STARD13: variants seen among roughly 807,000 people sequenced by gnomAD.
STARD13 encodes the protein StAR related lipid transfer domain containing 13, also known as stAR-related lipid transfer protein 13.
In STARD13, 62 loss-of-function variants were observed where a neutral mutation model predicts 106.4. The observed-to-expected ratio is 0.58, with a 90% CI of 0.48 to 0.72. The LOEUF (loss-of-function observed/expected upper bound fraction) is 0.72. STARD13 is among the 30% of genes least tolerant of loss of function. The probability of loss-of-function intolerance (pLI) is 0.00; values close to 1 mark genes in which losing one functional copy is unlikely to be tolerated. For missense variants in STARD13, 1,387 were observed against 1,424.0 expected, an observed-to-expected ratio of 0.97 and a Z score of 0.42; for synonymous variants, 565 against 553.0, an observed-to-expected ratio of 1.02 and a Z score of -0.31.
intron 1 of STARD13, among the ~76,000 whole-genome samples, chr13:33,339,264 C>T (rs965400433): frequency 6.6e-6 from 1 of 152,204 alleles, no homozygotes; most frequent in Non-Finnish European, 1.5e-5. Context: ...GTAGCTTTGA[C>T]TCCAGTAGCT....
At chr13:33,473,893 A>G in the STARD13 span, among the ~76,000 whole-genome samples, 6 of 152,268 alleles carry the variant, frequency 3.9e-5, no homozygotes, top group Admixed American at 3.3e-4. Flanking sequence ...TTCCAAAGGA[A>G]TTTCTGTTTG....
intron 7 of STARD13, 39 bp downstream of exon 7, chr13:33,126,042 G>T: frequency 6.2e-7 from 1 of 1,606,588 alleles, no homozygotes; most frequent in Non-Finnish European, 8.5e-7. Context: ...TCCCATGGTT[G>T]GGGGTGGTGG....
At chr13:33,365,559 A>G in the STARD13 span, among the ~76,000 whole-genome samples, 2 of 152,230 alleles carry the variant, frequency 1.3e-5, no homozygotes, top group South Asian at 2.1e-4. Context: ...ACCCTTAGGT[A>G]GTAGCAGCCA....
the STARD13 span, among the ~76,000 whole-genome samples, chr13:33,545,743 C>T: frequency 6.6e-6 from 1 of 152,166 alleles, no homozygotes; most frequent in Non-Finnish European, 1.5e-5. Flanking sequence ...TATCGATTTT[C>T]TTGCTGCTTT....
At chr13:33,396,892 C>T in the STARD13 span, among the ~76,000 whole-genome samples, 1 of 152,162 alleles carries the variant, frequency 6.6e-6, no homozygotes, top group Non-Finnish European at 1.5e-5. Context: ...AGCTTTCTTC[C>T]TGGAAGCACT....
intron 1 of STARD13, among the ~76,000 whole-genome samples, chr13:33,297,584 T>C (rs1892544511): frequency 6.7e-6 from 1 of 149,062 alleles, no homozygotes; most frequent in Non-Finnish European, 1.5e-5. Context: ...GTATAGACTA[T>C]GATTATAATG....
At chr13:33,194,530 T>A (rs1886476854) in intron 1 of STARD13, among the ~76,000 whole-genome samples, 1 of 152,198 alleles carries the variant, frequency 6.6e-6, no homozygotes, top group Admixed American at 6.5e-5. Flanking sequence ...TAAAAGTAAG[T>A]TTATACTTAA....
At position 33,184,381 on chromosome 13, in the gene STARD13, T is replaced by C. The variant is rs115365226; in HGVS notation, c.170-16759A>G. Among the ~76,000 whole-genome samples the C allele has an allele frequency of 7.5e-3, 1,147 of 152,294 alleles. 17 individuals carry two copies. Among genetic ancestry groups the C allele is most frequent in the African/African-American group, 0.026 (1,100 of 41,562 alleles). The stretch of plus-strand genomic sequence containing the variant: ...GCACGGCTGCTGCTGCTGCTGCTGA[T>C]GGTTGATGGCCGTTGTTGATTTTCA... On this transcript the variant is annotated intron_variant, in intron 1 of 13. Transcript: ENST00000336934.
chr13:33,328,400 G>A (rs182991695), intron 1 of STARD13, among the ~76,000 whole-genome samples: 25 of 152,302 alleles, frequency 1.6e-4, no homozygotes, highest in African/African-American at 5.8e-4. Context: ...AACCCTATGG[G>A]CCACTAGAAT....
In STARD13 at chr13:33,112,907, T is replaced by C. The variant is rs1484026517; in HGVS notation, c.2306A>G (p.Gln769Arg). 4 of 1,611,440 alleles carry C rather than the reference T, an allele frequency of 2.5e-6. No individual in the cohort carries two copies. The highest frequency in any genetic ancestry group is 1.7e-5 in the Admixed American group (1 of 59,636). The change falls in exon 9 of 14, where the codon CAG becomes CGG. Residue 769 changes from glutamine to arginine, a missense_variant. Physicochemically the swap from Gln to Arg is conservative, Grantham distance 43. Coordinates refer to ENST00000336934, the MANE Select transcript of STARD13 (RefSeq NM_178006.4). ...YQYVSKEQRLQAVQAAILLLA... is the reference protein window; with the variant it reads ...YQYVSKEQRLRAVQAAILLLA... Reference sequence around the variant, plus strand: ...TAGCAGGATGGCAGCCTGCACGGCCTGCAGCCGCTGCTCTTTGGAGACATC... The same window carrying C: ...TAGCAGGATGGCAGCCTGCACGGCCCGCAGCCGCTGCTCTTTGGAGACATC...
the STARD13 span, among the ~76,000 whole-genome samples, chr13:33,410,917 T>C: frequency 2.0e-5 from 3 of 152,358 alleles, no homozygotes; most frequent in South Asian, 2.1e-4. Flanking sequence ...CACTTCATTA[T>C]AATGTCTAGA....
At chr13:33,534,269 T>G in the STARD13 span, among the ~76,000 whole-genome samples, 1 of 152,202 alleles carries the variant, frequency 6.6e-6, no homozygotes, top group Non-Finnish European at 1.5e-5. Flanking sequence ...TTATTTTGAG[T>G]TATCAGACTT....
chr13:33,129,259 T>C lies in STARD13; in HGVS notation c.1418A>G (p.Asp473Gly). The C allele has an allele frequency of 6.2e-7, 1 of 1,614,114 alleles. No homozygotes were observed. The highest frequency in any genetic ancestry group is 8.5e-7 in the Non-Finnish European group (1 of 1,180,018). ...GTCATCTTTCTCCAAGTCCAAAAGATCTCCTGTGCTGGCATACAGATGGGA... is the reference window on the plus strand; with the variant it reads ...GTCATCTTTCTCCAAGTCCAAAAGACCTCCTGTGCTGGCATACAGATGGGA... Reference protein sequence around the residue: ...PGSHLYASTGDLLDLEKDDLF... With the variant: ...PGSHLYASTGGLLDLEKDDLF... Residue 473 changes from aspartate to glycine, a missense_variant, in exon 5 of 14, where the codon GAT becomes GGT. Coordinates refer to ENST00000336934, the MANE Select transcript of STARD13 (RefSeq NM_178006.4).
chr13:33,271,136 G>A (rs1234733387), intron 1 of STARD13, among the ~76,000 whole-genome samples: 1 of 152,172 alleles, frequency 6.6e-6, no homozygotes, highest in Admixed American at 6.5e-5. Flanking sequence ...AGCTACAAGT[G>A]CAGAATACAA....
At chr13:33,533,834 A>G in the STARD13 span, among the ~76,000 whole-genome samples, 1 of 152,246 alleles carries the variant, frequency 6.6e-6, no homozygotes, top group African/African-American at 2.4e-5. Flanking sequence ...GCACATGTTC[A>G]GCCCTTAACA....
intron 4 of STARD13, among the ~76,000 whole-genome samples, chr13:33,136,564 T>C (rs1321735437): frequency 3.9e-5 from 6 of 152,238 alleles, no homozygotes; most frequent in African/African-American, 1.2e-4. Context: ...ATTGGTTTTT[T>C]ACACTGTCTT....
At chr13:33,555,649 A>T in the STARD13 span, among the ~76,000 whole-genome samples, 30 of 152,328 alleles carry the variant, frequency 2.0e-4, no homozygotes, top group East Asian at 5.6e-3. Context: ...TGGAAAGAGT[A>T]AACAACTTGG....
the STARD13 span, among the ~76,000 whole-genome samples, chr13:33,484,165 A>G: frequency 1.3e-5 from 2 of 152,136 alleles, no homozygotes; most frequent in African/African-American, 4.8e-5. Flanking sequence ...TCATTCCTGG[A>G]TGTGGGCCAG....
At chr13:33,516,469 G>C in the STARD13 span, among the ~76,000 whole-genome samples, 1 of 151,634 alleles carries the variant, frequency 6.6e-6, no homozygotes, top group Non-Finnish European at 1.5e-5. Flanking sequence ...AAACTCTACT[G>C]GTCAAATAAA....
Sources: gnomAD v4.1 joint callset for allele counts (sites outside exome capture counted in the v4.1 genomes callset) on GRCh38, gnomAD v4.1.1 for gene constraint, MANE v1.5 for transcripts, NCBI Gene and HGNC (gene_info 2026-07-23, HGNC 2026-07-21) for gene names.